The following LINGO2 variants were observed in gnomAD, a reference collection of about 807,000 sequenced individuals.
The protein encoded by LINGO2 is leucine rich repeat and Ig domain containing 2, also known as leucine-rich repeat and immunoglobulin-like domain-containing nogo receptor-interacting protein 2.
Under a neutral mutation model 30.6 loss-of-function variants are expected in LINGO2, and 14 were observed. The observed-to-expected ratio is 0.46, with a 90% CI of 0.30 to 0.72. The LOEUF is 0.72. LINGO2 is among the 30% of genes least tolerant of loss of function. LINGO2 has a pLI of 0.07. For missense variants in LINGO2, 729 were observed against 751.7 expected, an observed-to-expected ratio of 0.97 and a Z score of 0.35; for synonymous variants, 317 against 288.5, an observed-to-expected ratio of 1.10 and a Z score of -1.00.
At chr9:28,598,279 A>T (rs1266895741) in intron 1 of LINGO2, among the ~76,000 whole-genome samples, 1 of 152,112 alleles carries the variant, frequency 6.6e-6, no homozygotes, top group Non-Finnish European at 1.5e-5. Context: ...TATACATCTT[A>T]CACTCATTCA....
chr9:29,075,902 T>A, the LINGO2 span, among the ~76,000 whole-genome samples: 2 of 152,172 alleles, frequency 1.3e-5, no homozygotes, highest in East Asian at 1.9e-4. Flanking sequence ...TTTTTTTATA[T>A]TTTGGACATA....
chr9:28,643,585 A>G (rs1005119877), intron 1 of LINGO2, among the ~76,000 whole-genome samples: 2 of 152,170 alleles, frequency 1.3e-5, no homozygotes, highest in Non-Finnish European at 2.9e-5. Context: ...TGAAACTATT[A>G]CAAGAAAACA....
chr9:28,394,542 T>C (rs1036645376), intron 2 of LINGO2, among the ~76,000 whole-genome samples: 3 of 152,176 alleles, frequency 2.0e-5, no homozygotes, highest in Admixed American at 1.3e-4. Flanking sequence ...ACCTAAATTA[T>C]AGCCTTTTTG....
the LINGO2 span, among the ~76,000 whole-genome samples, chr9:28,758,230 C>T: frequency 2.0e-5 from 3 of 152,036 alleles, no homozygotes; most frequent in Non-Finnish European, 4.4e-5. Context: ...ACTTTGCAGA[C>T]AGGAGAGTTT....
chr9:29,151,008 G>C, the LINGO2 span, among the ~76,000 whole-genome samples: 21 of 152,020 alleles, frequency 1.4e-4, no homozygotes, highest in African/African-American at 4.8e-4. Flanking sequence ...AAGGCATCTA[G>C]AGAGATAGGT....
chr9:28,830,981 T>C, the LINGO2 span, among the ~76,000 whole-genome samples: 1 of 152,350 alleles, frequency 6.6e-6, no homozygotes, highest in Non-Finnish European at 1.5e-5. Context: ...AGAAGGGCTG[T>C]GGGCCTAGAC....
intron 2 of LINGO2, among the ~76,000 whole-genome samples, chr9:28,449,032 CGTGTGTGTGTGTGTGTGT>C (rs140779747): frequency 2.2e-5 from 3 of 137,910 alleles, no homozygotes; most frequent in Non-Finnish European, 3.1e-5. Context: ...TATTCACATT[CGTGTGTGTGTGTGTGTGT>C]GTGTGTGTGT....
intron 3 of LINGO2, among the ~76,000 whole-genome samples, chr9:28,301,926 A>G (rs1239992125): frequency 1.3e-5 from 2 of 152,158 alleles, no homozygotes; most frequent in Admixed American, 1.3e-4. Flanking sequence ...CCTATATTCA[A>G]CATTCTTAAA....
the LINGO2 span, among the ~76,000 whole-genome samples, chr9:28,803,911 G>C: frequency 6.6e-6 from 1 of 151,850 alleles, no homozygotes; most frequent in Non-Finnish European, 1.5e-5. Context: ...GTAAAATAAG[G>C]TCTGTTCTCC....
intron 5 of LINGO2, among the ~76,000 whole-genome samples, chr9:28,006,788 T>C (rs951533723): frequency 6.6e-6 from 1 of 152,158 alleles, no homozygotes; most frequent in Non-Finnish European, 1.5e-5. Context: ...TAAAATGATG[T>C]ATCATACATC....
chr9:28,610,721 C>T (rs895471082), intron 1 of LINGO2, among the ~76,000 whole-genome samples: 1 of 152,074 alleles, frequency 6.6e-6, no homozygotes, highest in Non-Finnish European at 1.5e-5. Flanking sequence ...AAACCAGGCT[C>T]AGATATTTTG....
intron 4 of LINGO2, among the ~76,000 whole-genome samples, chr9:28,277,923 T>A (rs1823184875): frequency 6.6e-6 from 1 of 151,240 alleles, no homozygotes; most frequent in Non-Finnish European, 1.5e-5. Flanking sequence ...GGCTGAAAGC[T>A]GGGCCTCTTA....
intron 4 of LINGO2, among the ~76,000 whole-genome samples, chr9:28,104,050 G>A (rs1238533722): frequency 6.6e-6 from 1 of 151,572 alleles, no homozygotes; most frequent in Non-Finnish European, 1.5e-5. Flanking sequence ...TTTAAAGGGG[G>A]AAAAAAACTC....
intron 1 of LINGO2, among the ~76,000 whole-genome samples, chr9:28,580,906 C>A (rs544760725): frequency 1.3e-5 from 2 of 151,670 alleles, no homozygotes; most frequent in Non-Finnish European, 1.5e-5. Flanking sequence ...GACAGTTGAA[C>A]CTTTAAAAAA....
the LINGO2 span, among the ~76,000 whole-genome samples, chr9:28,845,903 C>T: frequency 8.5e-3 from 1,284 of 151,496 alleles, 55 homozygotes; most frequent in African/African-American, 0.03. Flanking sequence ...AGACAATGTC[C>T]CATTGGTGTT....
chr9:28,588,124 G>C (rs890012002), intron 1 of LINGO2, among the ~76,000 whole-genome samples: 1 of 152,018 alleles, frequency 6.6e-6, no homozygotes. Context: ...ACTGGGGCTA[G>C]AAAGTGACTT....
the LINGO2 span, among the ~76,000 whole-genome samples, chr9:28,950,606 C>T: frequency 6.6e-6 from 1 of 152,046 alleles, no homozygotes; most frequent in Non-Finnish European, 1.5e-5. Flanking sequence ...CAATAATAGA[C>T]AAACGGAGAG....
At chr9:28,871,851 A>G in the LINGO2 span, among the ~76,000 whole-genome samples, 1 of 151,996 alleles carries the variant, frequency 6.6e-6, no homozygotes, top group African/African-American at 2.4e-5. Context: ...CTTATCTCCT[A>G]TGGTTTTGAA....
intron 4 of LINGO2, among the ~76,000 whole-genome samples, chr9:28,261,482 A>G (rs1173443588): frequency 6.6e-6 from 1 of 151,970 alleles, no homozygotes; most frequent in Non-Finnish European, 1.5e-5. Flanking sequence ...ACTTTTATGC[A>G]CAAAATCTCA....
Sources: allele counts gnomAD v4.1 joint callset (sites outside exome capture counted in the v4.1 genomes callset), GRCh38; gene constraint gnomAD v4.1.1; transcripts MANE v1.5; gene names NCBI Gene and HGNC (gene_info 2026-07-23, HGNC 2026-07-21).